Variants in UPRT observed in about 807,000 individuals in gnomAD.
The protein encoded by UPRT is RP11-311P8.3.
Under a neutral mutation model 22.6 loss-of-function variants are expected in UPRT, and 5 were observed. The ratio of observed to expected loss-of-function variants is 0.22; its 90% CI spans 0.12 to 0.47. The LOEUF (loss-of-function observed/expected upper bound fraction) is 0.47, where lower values mean the gene tolerates loss of function less well. Among genes scored for constraint, UPRT ranks in the 20% least tolerant of loss-of-function variants. The pLI is 0.99. For missense variants in UPRT, 181 were observed against 239.9 expected (o/e 0.75, Z 1.62); for synonymous variants, 77 against 87.7 (o/e 0.88, Z 0.68).
intron 4 of UPRT, among the ~76,000 whole-genome samples, chrX:75,217,587 C>A (rs1482621450): frequency 8.9e-6 from 1 of 111,817 alleles, no homozygotes; most frequent in East Asian, 2.8e-4. Context: ...GGAGTTCACT[C>A]CTGATTTGGC....
chrX:75,282,640 T>C (rs938910675), intron 1 of UPRT, among the ~76,000 whole-genome samples: 1 of 112,119 alleles, frequency 8.9e-6, no homozygotes, highest in Non-Finnish European at 1.9e-5. Context: ...GAGAGAGTGC[T>C]TGATATAATT....
chrX:75,178,415 G>A (rs1053537572), intron 4 of UPRT, among the ~76,000 whole-genome samples: 15 of 111,877 alleles, frequency 1.3e-4, no homozygotes, highest in East Asian at 5.7e-4. Flanking sequence ...TTGTCTCACC[G>A]CTTGGCGATA....
chrX:75,206,989 G>T (rs1158822064), intron 4 of UPRT, among the ~76,000 whole-genome samples: 3 of 112,410 alleles, frequency 2.7e-5, no homozygotes, highest in African/African-American at 9.7e-5. Flanking sequence ...AGAGCTGCCT[G>T]CTGGGCTGCC....
Position 75,297,561 on chromosome X carries a change from C to T in UPRT, c.562+8C>T. 2.5e-6 allele frequency: 3 copies of T among 1,210,340 alleles called. No individual in the cohort carries two copies. The highest frequency in any genetic ancestry group is 3.4e-6 in the Non-Finnish European group (3 of 894,429). ...TCAGCATAATGAGAAGCGGTAGGTT[C>T]ACGTGTGTGTGATTTTTGTCTCTTT... On this transcript the variant is annotated splice_region_variant and intron_variant, in intron 4 of 6. Coordinates refer to ENST00000373383, the MANE Select transcript of UPRT (RefSeq NM_145052.4).
chrX:75,194,397 T>C (rs2082326387), intron 4 of UPRT, among the ~76,000 whole-genome samples: 1 of 110,453 alleles, frequency 9.1e-6, no homozygotes, highest in Non-Finnish European at 1.9e-5. Context: ...TCAGCCAGAG[T>C]GCTTTGTAGG....
At chrX:75,225,323 C>G (rs112885661) in intron 4 of UPRT, among the ~76,000 whole-genome samples, 3 of 82,041 alleles carry the variant, frequency 3.7e-5, no homozygotes, top group African/African-American at 1.3e-4. Flanking sequence ...AAACCAAAAA[C>G]CACACACACA....
intron 4 of UPRT, among the ~76,000 whole-genome samples, chrX:75,184,191 G>A (rs1449985602): frequency 1.8e-5 from 2 of 111,301 alleles, no homozygotes; most frequent in East Asian, 5.6e-4. Context: ...ATCTTGAATT[G>A]ATTTTTGTAT....
chrX:75,197,141 G>T (rs1483799858), intron 4 of UPRT, among the ~76,000 whole-genome samples: 1 of 111,086 alleles, frequency 9.0e-6, no homozygotes. Flanking sequence ...AGGTGAAAAA[G>T]AAAAAATAAT....
intron 4 of UPRT, among the ~76,000 whole-genome samples, chrX:75,254,832 G>A (rs1479270395): frequency 4.0e-5 from 4 of 98,807 alleles, no homozygotes; most frequent in Non-Finnish European, 8.0e-5. Context: ...GCGGACTGCA[G>A]TGGCGCAATC....
rs1341944186 is a variant in UPRT at position 75,303,393 on chromosome X, G to GT, written c.824-5dup. On this transcript the variant is annotated splice_polypyrimidine_tract_variant and intron_variant, in intron 6 of 6. Transcript: ENST00000373383. ...AAAACATCCTACCATAATAACTTTT[G>GT]TTTTTTTGAAGGTGCCAAATCAATC... 5.9e-6 allele frequency: 7 copies of GT among 1,183,676 alleles called. No homozygotes were observed. The highest frequency in any genetic ancestry group is 2.3e-5 in the Admixed American group (1 of 43,376).
chrX:75,208,991 C>T (rs2082373541), intron 4 of UPRT, among the ~76,000 whole-genome samples: 2 of 111,339 alleles, frequency 1.8e-5, no homozygotes, highest in Non-Finnish European at 3.8e-5. Flanking sequence ...TGTATGGAGG[C>T]GTGGAATTTA....
chrX:75,156,676 T>C lies in UPRT; in HGVS notation c.-737+126T>C, dbSNP rs1248339515. 8.8e-6 allele frequency: 3 copies of C among 341,956 alleles called. No homozygotes were observed. In the Admixed American group the frequency reaches 9.2e-5, roughly 11 times the overall value. The allele number at this position is 341,956 out of a possible 1,213,427, so 28.2% of individuals were successfully genotyped here. A position where few individuals can be genotyped will look rare whatever the true frequency, so the allele number is the denominator to read the frequency against. On this transcript the variant is annotated intron_variant, in intron 1 of 13. Coordinates refer to the UPRT transcript ENST00000652605. Reference sequence around the variant, plus strand: ...TACTCTCTTACCTCCTCCAACTCAATGTCACGCTCCCCTCTCTCCATTTTC... The same window carrying C: ...TACTCTCTTACCTCCTCCAACTCAACGTCACGCTCCCCTCTCTCCATTTTC...
In UPRT at chrX:75,274,333, G is replaced by A. The variant is rs762866137; in HGVS notation, c.79G>A (p.Glu27Lys). 1.7e-6 allele frequency: 2 copies of A among 1,211,445 alleles called. No individual in the cohort carries two copies. Among genetic ancestry groups the A allele is most frequent in the South Asian group, 3.5e-5 (2 of 56,865 alleles). The change falls in exon 1 of 7, where the codon GAG becomes AAG. Residue 27 changes from glutamate to lysine, a missense_variant. Glu to Lys is a moderately conservative substitution (Grantham distance 56). Coordinates refer to ENST00000373383, the MANE Select transcript of UPRT (RefSeq NM_145052.4). Reference protein sequence around the residue: ...QVNSASTPSPEQLRPGDLILD... With the variant: ...QVNSASTPSPKQLRPGDLILD... Reference sequence around the variant, plus strand: ...AAACTCTGCCTCAACCCCAAGTCCCGAGCAGCTGCGACCTGGCGATCTGAT... The same window carrying A: ...AAACTCTGCCTCAACCCCAAGTCCCAAGCAGCTGCGACCTGGCGATCTGAT...
chrX:75,158,198 A>G (rs988916955), intron 1 of UPRT, among the ~76,000 whole-genome samples: 4 of 111,976 alleles, frequency 3.6e-5, no homozygotes, highest in Non-Finnish European at 7.5e-5. Flanking sequence ...GGGCACCCAG[A>G]AATAGAACGT....
chrX:75,272,319 T>C (rs202135821), upstream of UPRT, among the ~76,000 whole-genome samples: 380 of 88,325 alleles, frequency 4.3e-3, 3 homozygotes, highest in Non-Finnish European at 6.0e-3. Context: ...TGTGTATATA[T>C]ACATATATAT....
At chrX:75,255,458 C>A (rs984428798) in intron 4 of UPRT, among the ~76,000 whole-genome samples, 8 of 110,757 alleles carry the variant, frequency 7.2e-5, no homozygotes, top group Non-Finnish European at 1.3e-4. Context: ...TAAACAAAAT[C>A]AAAAATATAT....
In UPRT at chrX:75,160,775, T is replaced by C. The variant is rs745596576; in HGVS notation, c.-615+104T>C. On this transcript the variant is annotated intron_variant, in intron 2 of 13. Transcript: ENST00000652605. ...AACTCCAAGCATCAAGTGATCCTCTTGCCTCAGCTTCCCCAATGGCTGGGA... is the reference window on the plus strand; with the variant it reads ...AACTCCAAGCATCAAGTGATCCTCTCGCCTCAGCTTCCCCAATGGCTGGGA... Among the ~76,000 whole-genome samples the C allele has an allele frequency of 6.2e-5, 7 of 112,336 alleles. No homozygotes were observed. The South Asian group carries it at 2.6e-3, about 42-fold the overall frequency.
At position 75,211,299 on chromosome X, in the gene UPRT, C is replaced by T. The variant is rs193060691; in HGVS notation, c.-447+43420C>T. Among the ~76,000 whole-genome samples, 16 of 111,279 alleles carry T rather than the reference C, an allele frequency of 1.4e-4. No homozygotes were observed. The East Asian group carries it at 4.6e-3, about 32-fold the overall frequency. On this transcript the variant is annotated intron_variant, in intron 4 of 13. Transcript: ENST00000652605. ...TAGGATAGCTGAGCTGGAGCATCCC[C>T]ACAGCTCTTTGCAGTCCCCCAGAGG...
Position 75,241,426 on chromosome X carries a change from C to G in UPRT, c.-446-49598C>G, listed in dbSNP as rs1457521642. ...CCATAATTAAAATAAATAAATAATA[C>G]ATGTTGGCATGGATGTGGTGAAAAG... On this transcript the variant is annotated intron_variant, in intron 4 of 13. Coordinates refer to the UPRT transcript ENST00000652605. Among the ~76,000 whole-genome samples the G allele has an allele frequency of 3.6e-5, 4 of 111,278 alleles. No individual in the cohort carries two copies. The Admixed American group carries it at 3.8e-4, about 11-fold the overall frequency.
Sources: gnomAD v4.1 joint callset for allele counts (sites outside exome capture counted in the v4.1 genomes callset) on GRCh38, gnomAD v4.1.1 for gene constraint, MANE v1.5 for transcripts, NCBI Gene and HGNC (gene_info 2026-07-23, HGNC 2026-07-21) for gene names.